GLT1D1: variants seen among roughly 807,000 people sequenced by gnomAD.
The protein encoded by GLT1D1 is glycosyltransferase 1 domain containing 1, also known as glycosyltransferase 1 domain-containing protein 1.
Under a neutral mutation model 28.7 loss-of-function variants are expected in GLT1D1, and 21 were observed. The observed-to-expected ratio is 0.73, with a 90% CI of 0.52 to 1.05. GLT1D1 has a LOEUF of 1.05. Ranked by LOEUF, GLT1D1 falls within the 50% of genes least tolerant of loss-of-function variation. GLT1D1 has a pLI of 0.00. For synonymous variants in GLT1D1, 147 were observed against 124.8 expected (o/e 1.18, Z -1.19); for missense variants, 343 against 330.6 (o/e 1.04, Z -0.29).
intron 6 of GLT1D1, among the ~76,000 whole-genome samples, chr12:128,955,375 C>G (rs1877168093): frequency 6.6e-6 from 1 of 152,174 alleles, no homozygotes; most frequent in Non-Finnish European, 1.5e-5. Flanking sequence ...TTGATCAAGG[C>G]ACTGCTAATA....
intron 4 of GLT1D1, among the ~76,000 whole-genome samples, chr12:128,917,574 A>G (rs1249106124): frequency 1.3e-5 from 2 of 152,166 alleles, no homozygotes; most frequent in African/African-American, 2.4e-5. Flanking sequence ...CACCTCGCCT[A>G]GCCTCCTGCT....
intron 1 of GLT1D1, among the ~76,000 whole-genome samples, chr12:128,874,175 T>TTTCTTTCTTTCC (rs1956815753): frequency 1.4e-5 from 2 of 140,188 alleles, no homozygotes; most frequent in African/African-American, 5.4e-5. Context: ...TCTTTCTTTC[T>TTTCTTTCTTTCC]TTTTTTCTCT....
chr12:128,905,034 G>A (rs1252518224), intron 4 of GLT1D1, among the ~76,000 whole-genome samples: 1 of 152,040 alleles, frequency 6.6e-6, no homozygotes, highest in Admixed American at 6.6e-5. Flanking sequence ...CTCCCAAAAG[G>A]CTGGGATTAC....
At chr12:128,859,898 A>C (rs1956313694) in intron 1 of GLT1D1, among the ~76,000 whole-genome samples, 1 of 152,182 alleles carries the variant, frequency 6.6e-6, no homozygotes, top group South Asian at 2.1e-4. Flanking sequence ...TTTTTAGAAG[A>C]TGTAGGTGAC....
chr12:128,918,770 G>A (rs889795212), intron 4 of GLT1D1, among the ~76,000 whole-genome samples: 11 of 152,164 alleles, frequency 7.2e-5, no homozygotes, highest in African/African-American at 1.2e-4. Flanking sequence ...ATCACAGGAC[G>A]CAATGGCGTT....
intron 4 of GLT1D1, among the ~76,000 whole-genome samples, chr12:128,913,823 C>G (rs1238026323): frequency 2.0e-5 from 3 of 152,200 alleles, no homozygotes; most frequent in Non-Finnish European, 2.9e-5. Flanking sequence ...CACCTCCACC[C>G]TGCGCATTTT....
chr12:128,952,801 C>T (rs1175485550), intron 6 of GLT1D1, among the ~76,000 whole-genome samples: 4 of 8,372 alleles, frequency 4.8e-4, no homozygotes, highest in Non-Finnish European at 6.8e-4. Context: ...TTTTTTTTGA[C>T]GTACTCTTGC....
chr12:128,941,903 C>G (rs1480858305), intron 4 of GLT1D1, among the ~76,000 whole-genome samples: 2 of 105,894 alleles, frequency 1.9e-5, no homozygotes, highest in African/African-American at 7.9e-5. Context: ...CTCTCTCTCT[C>G]TCTTTTTTTT....
At chr12:128,934,486 G>A (rs1266587258) in intron 4 of GLT1D1, among the ~76,000 whole-genome samples, 2 of 152,096 alleles carry the variant, frequency 1.3e-5, no homozygotes, top group African/African-American at 2.4e-5. Flanking sequence ...GAGCCACTGC[G>A]CCCGGCCAGC....
chr12:128,869,031 A>G (rs1468288745), intron 1 of GLT1D1, among the ~76,000 whole-genome samples: 4 of 151,816 alleles, frequency 2.6e-5, no homozygotes, highest in Admixed American at 2.6e-4. Context: ...TACCACGCCC[A>G]GCTAATTTTA....
intron 1 of GLT1D1, among the ~76,000 whole-genome samples, chr12:128,855,746 CTTTTTTTTTTT>C (rs34715979): frequency 1.1e-5 from 1 of 95,160 alleles, no homozygotes; most frequent in Admixed American, 1.3e-4. Context: ...TGCTGGTTGC[CTTTTTTTTTTT>C]TTTTTTTTTT....
intron 4 of GLT1D1, among the ~76,000 whole-genome samples, chr12:128,940,766 T>G (rs114062205): frequency 0.012 from 1,849 of 152,296 alleles, 38 homozygotes; most frequent in African/African-American, 0.042. Context: ...TTGTGACTAA[T>G]GAAAAGGCTG....
chr12:128,945,254 G>C (rs1875911786), intron 4 of GLT1D1, 72 bp from the exon 9 acceptor site: 1 of 1,488,384 alleles, frequency 6.7e-7, no homozygotes, highest in East Asian at 2.3e-5. Context: ...GCTTTGGCCT[G>C]GCCCGTGCTG....
At chr12:128,875,054 TTGTGTGTG>T (rs376956933) in intron 1 of GLT1D1, among the ~76,000 whole-genome samples, 32 of 143,896 alleles carry the variant, frequency 2.2e-4, no homozygotes, top group African/African-American at 6.1e-4. Context: ...GACATAAATA[TTGTGTGTG>T]TGTGTGTGTG....
intron 1 of GLT1D1, among the ~76,000 whole-genome samples, chr12:128,870,416 T>C (rs1245164791): frequency 6.6e-6 from 1 of 152,198 alleles, no homozygotes; most frequent in Non-Finnish European, 1.5e-5. Flanking sequence ...CTTCTCTTTG[T>C]GGACCTGCCA....
At chr12:128,941,912 T>C (rs1229934370) in intron 4 of GLT1D1, among the ~76,000 whole-genome samples, 3 of 146,732 alleles carry the variant, frequency 2.0e-5, no homozygotes, top group African/African-American at 7.6e-5. Context: ...TCTCTTTTTT[T>C]TTTTTTTTTT....
chr12:128,957,441 G>A (rs1877416683), intron 6 of GLT1D1, 104 bp from the exon 11 acceptor site: 1 of 684,654 alleles, frequency 1.5e-6, no homozygotes, highest in Admixed American at 2.5e-5. Context: ...AGGTGCCAGA[G>A]GTCCAGTTAA....
In GLT1D1 at chr12:128,926,231, A is replaced by G. The variant is rs1400950751; in HGVS notation, c.376-19095A>G. 5.0e-3 allele frequency: 1,247 copies of G among 250,502 alleles called. 16 individuals carry two copies. The highest frequency in any genetic ancestry group is 0.029 in the African/African-American group (1,160 of 40,698). The allele number at this position is 250,502 out of a possible 1,614,324, so 15.5% of individuals were successfully genotyped here. ...AATAATAATAATAATAATAATAATA[A>G]TAATAAGAGTAGGAGAAGCTGGCCT... is the stretch of plus-strand genomic sequence containing the variant. On this transcript the variant is annotated intron_variant, in intron 4 of 7. Transcript: ENST00000281703.
chr12:128,898,118 ATTC>A (rs922906600), intron 3 of GLT1D1, among the ~76,000 whole-genome samples: 15 of 151,154 alleles, frequency 9.9e-5, no homozygotes, highest in African/African-American at 3.2e-4. Flanking sequence ...TCATCTTTGA[ATTC>A]TTCTTCTTCT....
Sources: allele counts gnomAD v4.1 joint callset (sites outside exome capture counted in the v4.1 genomes callset), GRCh38; gene constraint gnomAD v4.1.1; transcripts MANE v1.5; gene names NCBI Gene and HGNC (gene_info 2026-07-23, HGNC 2026-07-21).